Variants in CPSF3 observed in about 807,000 individuals in gnomAD.
The protein encoded by CPSF3 is cleavage and polyadenylation specificity factor subunit 3.
CPSF3 carries 57 observed loss-of-function variants against 84.1 expected under a neutral mutation model. That is an observed-to-expected ratio of 0.68 (90% confidence interval 0.55 to 0.85). The LOEUF is 0.85. Ranked by LOEUF, CPSF3 falls within the 40% of genes least tolerant of loss-of-function variation. The probability of loss-of-function intolerance (pLI) is 0.00; values close to 1 mark genes in which losing one functional copy is unlikely to be tolerated. For synonymous variants in CPSF3, 275 were observed against 278.1 expected (o/e 0.99, Z 0.11); for missense variants, 522 against 838.8 (o/e 0.62, Z 4.66).
At position 9,465,007 on chromosome 2, in the gene CPSF3, G is replaced by A. The variant is rs1379821307; in HGVS notation, c.1787-2700G>A. Among the ~76,000 whole-genome samples the A allele has an allele frequency of 6.6e-5, 10 of 152,084 alleles. No homozygotes were observed. The East Asian group carries it at 9.6e-4, about 15-fold the overall frequency. On this transcript the variant is annotated intron_variant, in intron 15 of 17. Transcript: ENST00000238112. ...CTCCCAAAGTGCTGGGATTACAGGC[G>A]AGTAGTTAGTTGTATATACAATTGA...
intron 10 of CPSF3, 22 bp downstream of exon 10, chr2:9,443,683 A>G (rs1681029113): frequency 6.2e-7 from 1 of 1,608,276 alleles, no homozygotes; most frequent in African/African-American, 1.3e-5. Flanking sequence ...AATTTCATTT[A>G]TTGTATTAAA....
Position 9,426,800 on chromosome 2 carries a change from G to A in CPSF3, c.51-1965G>A, listed in dbSNP as rs115309215. On this transcript the variant is annotated intron_variant, in intron 1 of 17. Coordinates refer to ENST00000238112, the MANE Select transcript of CPSF3 (RefSeq NM_016207.4). ...CTGACACCTATAGTTCCAGCTACTT[G>A]GGAGGCTGAGGCGGGAGGATCACTT... 2.7e-3 allele frequency among the ~76,000 whole-genome samples: 409 copies of A among 151,920 alleles called. 2 individuals are homozygous for A. Among genetic ancestry groups the A allele is most frequent in the African/African-American group, 9.5e-3 (394 of 41,354 alleles).
chr2:9,466,380 TCG>T (rs1558466668), intron 15 of CPSF3, among the ~76,000 whole-genome samples: 4 of 130,184 alleles, frequency 3.1e-5, no homozygotes, highest in Non-Finnish European at 6.4e-5. Flanking sequence ...ACCCACGCAC[TCG>T]CACACACGCG....
intron 16 of CPSF3, among the ~76,000 whole-genome samples, chr2:9,469,092 T>C (rs577356254): frequency 2.6e-5 from 4 of 152,256 alleles, no homozygotes; most frequent in African/African-American, 9.6e-5. Flanking sequence ...GGCACAGTGA[T>C]TACCATGGCC....
chr2:9,440,858 T>C (rs549088587), intron 8 of CPSF3, among the ~76,000 whole-genome samples, 192 bp downstream of exon 8: 22 of 152,314 alleles, frequency 1.4e-4, no homozygotes, highest in South Asian at 2.1e-4. Flanking sequence ...TCTATCAAAA[T>C]AAAATAAAAA....
chr2:9,460,977 C>T (rs1461263187), intron 15 of CPSF3, among the ~76,000 whole-genome samples: 2 of 152,146 alleles, frequency 1.3e-5, no homozygotes, highest in South Asian at 2.1e-4. Context: ...TGAAAATATA[C>T]AGTTAGTTAG....
intron 10 of CPSF3, among the ~76,000 whole-genome samples, chr2:9,447,458 A>C (rs1681164408): frequency 6.6e-6 from 1 of 151,098 alleles, no homozygotes. Context: ...CAGCCTGCGC[A>C]ACAGAGTGAG....
At chr2:9,455,241 A>G (rs1681483399) in intron 12 of CPSF3, among the ~76,000 whole-genome samples, 3 of 151,624 alleles carry the variant, frequency 2.0e-5, no homozygotes, top group East Asian at 2.0e-4. Context: ...GGTTCAAGCA[A>G]TTCTCTGCCT....
In CPSF3 at chr2:9,430,000, T is replaced by C; in HGVS notation, c.192T>C (p.Ile64=). Reference sequence around the variant, plus strand: ...TTGATTTAATTGACCCAGCTGAGATTGATCTCCTATTAATTAGTCAGTAAG... The same window carrying C: ...TTGATTTAATTGACCCAGCTGAGATCGATCTCCTATTAATTAGTCAGTAAG... ...PYIDLIDPAE[I]DLLLISHFHL... is the part of the protein sequence containing the mutation. Residue 64 remains isoleucine (I), a synonymous_variant, in exon 3 of 18, where the codon ATT becomes ATC. Transcript: ENST00000238112. 6.4e-7 allele frequency: 1 copy of C among 1,571,264 alleles called. No individual in the cohort carries two copies. The highest frequency in any genetic ancestry group is 8.6e-7 in the Non-Finnish European group (1 of 1,161,568).
intron 14 of CPSF3, among the ~76,000 whole-genome samples, chr2:9,458,050 G>C (rs527687159): frequency 6.6e-6 from 1 of 152,204 alleles, no homozygotes; most frequent in South Asian, 2.1e-4. Context: ...TGTCAGCTTT[G>C]GTCCCGATGC....
chr2:9,463,853 A>G (rs924086104), intron 15 of CPSF3, among the ~76,000 whole-genome samples: 1 of 152,232 alleles, frequency 6.6e-6, no homozygotes, highest in Admixed American at 6.5e-5. Flanking sequence ...TTCCTGCTAC[A>G]GCAGCAGAAC....
chr2:9,434,383 T>C (rs1558451308), intron 6 of CPSF3, among the ~76,000 whole-genome samples: 1 of 151,186 alleles, frequency 6.6e-6, no homozygotes, highest in African/African-American at 2.4e-5. Context: ...AAAAAAAAAA[T>C]TGGGGCAGGT....
intron 15 of CPSF3, among the ~76,000 whole-genome samples, chr2:9,464,538 C>G (rs1420369021): frequency 1.3e-5 from 2 of 151,548 alleles, no homozygotes; most frequent in African/African-American, 4.8e-5. Context: ...GTTTTCTTGG[C>G]TAGCACCTGG....
chr2:9,433,461 G>A (rs1052516770), intron 5 of CPSF3, among the ~76,000 whole-genome samples: 8 of 152,182 alleles, frequency 5.3e-5, no homozygotes, highest in Non-Finnish European at 1.2e-4. Flanking sequence ...CAAAAAATAA[G>A]TAGCACAAAT....
rs1316054069 is a variant in CPSF3 at position 9,466,522 on chromosome 2, A to C, written c.1787-1185A>C. Among the ~76,000 whole-genome samples the C allele has an allele frequency of 2.6e-5, 4 of 152,216 alleles. No individual in the cohort carries two copies. In the East Asian group the frequency reaches 7.7e-4, roughly 29 times the overall value. ...TGAGGTGAGAGGATCACCAGAGCAC[A>C]GAGGTGAAGGCTACAGTGAGCCGTG... On this transcript the variant is annotated intron_variant, in intron 15 of 17. Transcript: ENST00000238112.
chr2:9,440,441 G>A (rs749867622), intron 7 of CPSF3, 50 bp from the exon 8 acceptor site: 2 of 1,489,954 alleles, frequency 1.3e-6, no homozygotes, highest in Non-Finnish European at 1.9e-6. Flanking sequence ...TATTTGAACT[G>A]TTTACCCCAT....
At chr2:9,425,391 C>T (rs1680348542) in intron 1 of CPSF3, among the ~76,000 whole-genome samples, 1 of 152,076 alleles carries the variant, frequency 6.6e-6, no homozygotes, top group South Asian at 2.1e-4. Flanking sequence ...AAAATCTCTC[C>T]TGGCAGCAGT....
In CPSF3 at chr2:9,473,088, G is replaced by C; in HGVS notation, c.*71G>C. On this transcript the variant is annotated 3_prime_UTR_variant, in exon 18 of 18. Transcript: ENST00000238112. ...TTGTTACCTAAAATAAAATGCATTC[G>C]TTTCTCTGGGGGAGCCTGTTTACTT... 4.7e-6 allele frequency: 5 copies of C among 1,067,420 alleles called. No homozygotes were observed. The highest frequency in any genetic ancestry group is 7.0e-6 in the Non-Finnish European group (5 of 711,976). The allele number at this position is 1,067,420 out of a possible 1,614,324, so 66.1% of individuals were successfully genotyped here.
chr2:9,457,115 C>T, intron 14 of CPSF3, 88 bp downstream of exon 14: 2 of 635,122 alleles, frequency 3.1e-6, no homozygotes, highest in East Asian at 3.1e-5. Flanking sequence ...TAGTTTCTTC[C>T]CAATTAGAAA....
Sources: gnomAD v4.1 joint callset for allele counts (sites outside exome capture counted in the v4.1 genomes callset) on GRCh38, gnomAD v4.1.1 for gene constraint, MANE v1.5 for transcripts, NCBI Gene and HGNC (gene_info 2026-07-23, HGNC 2026-07-21) for gene names.